Variants in ENAH observed in about 807,000 individuals in gnomAD.
The protein encoded by ENAH is ENAH actin regulator, also known as protein enabled homolog.
A neutral mutation model predicts 78.7 loss-of-function variants in ENAH; 23 were observed. The ratio of observed to expected loss-of-function variants is 0.29; its 90% CI spans 0.21 to 0.41. ENAH has a LOEUF of 0.41. Among genes scored for constraint, ENAH ranks in the 10% least tolerant of loss-of-function variants. The pLI is 1.00. For missense variants in ENAH, 544 were observed against 691.0 expected, an observed-to-expected ratio of 0.79 and a Z score of 2.39; for synonymous variants, 226 against 241.0, an observed-to-expected ratio of 0.94 and a Z score of 0.58.
chr1:225,527,301 T>C (rs928535995), intron 4 of ENAH, among the ~76,000 whole-genome samples: 4 of 152,250 alleles, frequency 2.6e-5, no homozygotes, highest in African/African-American at 9.6e-5. Context: ...GGGTATTTTA[T>C]TGTGCCTCTG....
intron 1 of ENAH, among the ~76,000 whole-genome samples, chr1:225,577,569 T>C (rs1006130391): frequency 6.6e-6 from 1 of 152,160 alleles, no homozygotes; most frequent in African/African-American, 2.4e-5. Context: ...GAATAATAAA[T>C]AAAAGGTAAA....
chr1:225,632,985 T>C (rs1025881577), intron 1 of ENAH, among the ~76,000 whole-genome samples: 1 of 152,036 alleles, frequency 6.6e-6, no homozygotes, highest in Non-Finnish European at 1.5e-5. Flanking sequence ...GAAGACATAA[T>C]GTACAGGAAG....
rs562729634 is a variant in ENAH, at chr1:225,537,024, T to C, written c.350-6386A>G. Among the ~76,000 whole-genome samples, 14 of 152,260 alleles carry C rather than the reference T, an allele frequency of 9.2e-5. No individual in the cohort carries two copies. The East Asian group carries it at 2.7e-3, about 29-fold the overall frequency. ...AGTTTAAACTGTTTTTTTAAAAATC[T>C]GTCTTACCGACGTTTGCAAATGGCT... On this transcript the variant is annotated intron_variant, in intron 3 of 13. Coordinates refer to ENST00000366843, the MANE Select transcript of ENAH (RefSeq NM_018212.6).
chr1:225,536,703 TTAAA>T (rs1558774707), intron 3 of ENAH, among the ~76,000 whole-genome samples: 2 of 152,028 alleles, frequency 1.3e-5, no homozygotes, highest in Admixed American at 6.6e-5. Flanking sequence ...TGGTAATGTC[TTAAA>T]TAAAAGAGAA....
intron 3 of ENAH, among the ~76,000 whole-genome samples, chr1:225,539,760 ACCTTTCCTCTGCAGAG>A (rs370751230): frequency 0.015 from 2,257 of 152,244 alleles, 54 homozygotes; most frequent in African/African-American, 0.051. Context: ...ATGCTGTATC[ACCTTTCCTCTGCAGAG>A]CCTTTCTGAA....
chr1:225,575,135 C>T (rs1209780131), intron 1 of ENAH, among the ~76,000 whole-genome samples: 1 of 152,192 alleles, frequency 6.6e-6, no homozygotes, highest in Non-Finnish European at 1.5e-5. Flanking sequence ...GTGACCCTCA[C>T]TGCTCCACAC....
intron 1 of ENAH, among the ~76,000 whole-genome samples, chr1:225,577,329 T>A (rs765238966): frequency 6.6e-6 from 1 of 151,212 alleles, no homozygotes; most frequent in East Asian, 1.9e-4. Context: ...GGAGAAAAAA[T>A]TTGCTTGCTA....
intron 1 of ENAH, among the ~76,000 whole-genome samples, chr1:225,606,972 T>C (rs1213087262): frequency 6.6e-6 from 1 of 150,470 alleles, no homozygotes; most frequent in Non-Finnish European, 1.5e-5. Context: ...CAGCTGAGAG[T>C]GCCAGGCACA....
intron 1 of ENAH, among the ~76,000 whole-genome samples, chr1:225,598,765 A>T (rs1355018166): frequency 2.0e-5 from 3 of 152,164 alleles, no homozygotes; most frequent in Non-Finnish European, 4.4e-5. Context: ...AAATATAAAG[A>T]CAAAATTATA....
chr1:225,583,808 CAA>C (rs71170095), intron 1 of ENAH, among the ~76,000 whole-genome samples: 116 of 132,658 alleles, frequency 8.7e-4, no homozygotes, highest in Non-Finnish European at 8.3e-4. Context: ...ACCTCCATCT[CAA>C]AAAAAAAAAA....
rs77119004 is a variant in ENAH at position 225,617,990 on chromosome 1, T to C, written c.5+34696A>G. 4.6e-5 allele frequency among the ~76,000 whole-genome samples: 7 copies of C among 152,288 alleles called. No homozygotes were observed. In the East Asian group the frequency reaches 1.3e-3, roughly 29 times the overall value. On this transcript the variant is annotated intron_variant, in intron 1 of 13. Coordinates refer to ENST00000366843, the MANE Select transcript of ENAH (RefSeq NM_018212.6). ...CAATTATTCTTTCAAGGAAGCTCTC[T>C]TAAAAGAGGAAAGTTATCAGTCAGA...
chr1:225,516,369 C>T (rs960930909), intron 6 of ENAH, among the ~76,000 whole-genome samples: 17 of 152,072 alleles, frequency 1.1e-4, no homozygotes, highest in African/African-American at 3.9e-4. Context: ...CCTGGAAGTC[C>T]AACATGGGGC....
intron 3 of ENAH, among the ~76,000 whole-genome samples, chr1:225,546,347 T>C (rs1053904659): frequency 3.9e-5 from 6 of 152,146 alleles, no homozygotes; most frequent in African/African-American, 1.4e-4. Flanking sequence ...AACACAAATA[T>C]TAGAAGATAA....
intron 10 of ENAH, among the ~76,000 whole-genome samples, chr1:225,508,997 C>T (rs1403957761): frequency 3.3e-5 from 5 of 152,184 alleles, no homozygotes; most frequent in Non-Finnish European, 7.3e-5. Context: ...TTTCTTGTTG[C>T]ATGAAGGCAT....
At chr1:225,627,992 T>C (rs1480291151) in intron 1 of ENAH, among the ~76,000 whole-genome samples, 2 of 152,246 alleles carry the variant, frequency 1.3e-5, no homozygotes, top group Non-Finnish European at 2.9e-5. Context: ...TTACTTCATG[T>C]TTCCAAAAGA....
chr1:225,577,168 T>C (rs1316948430), intron 1 of ENAH, among the ~76,000 whole-genome samples: 1 of 152,116 alleles, frequency 6.6e-6, no homozygotes, highest in Non-Finnish European at 1.5e-5. Context: ...CAAAAATAAA[T>C]GAAAAATAAA....
At chr1:225,521,094 C>G (rs2151186428) in intron 4 of ENAH, among the ~76,000 whole-genome samples, 1 of 152,202 alleles carries the variant, frequency 6.6e-6, no homozygotes, top group South Asian at 2.1e-4. Flanking sequence ...GCACTTAGTT[C>G]AGCATCTTTA....
chr1:225,604,492 G>A (rs1244314193), intron 1 of ENAH, among the ~76,000 whole-genome samples: 1 of 151,940 alleles, frequency 6.6e-6, no homozygotes, highest in Admixed American at 6.6e-5. Context: ...TTTTAAAATT[G>A]TACAAATGTG....
chr1:225,530,850 C>T (rs2096534144), intron 3 of ENAH, among the ~76,000 whole-genome samples: 1 of 152,078 alleles, frequency 6.6e-6, no homozygotes, highest in African/African-American at 2.4e-5. Flanking sequence ...TTACTTGAAA[C>T]AAATGGAAAA....
Sources: gnomAD v4.1 joint callset for allele counts (sites outside exome capture counted in the v4.1 genomes callset) on GRCh38, gnomAD v4.1.1 for gene constraint, MANE v1.5 for transcripts, NCBI Gene and HGNC (gene_info 2026-07-23, HGNC 2026-07-21) for gene names.